The following C4orf17 variants were observed in gnomAD, a reference collection of about 807,000 sequenced individuals.
The protein encoded by C4orf17 is chromosome 4 open reading frame 17.
C4orf17 carries 25 observed loss-of-function variants against 32.0 expected under a neutral mutation model. The observed-to-expected ratio is 0.78, with a 90% CI of 0.57 to 1.09. C4orf17 has a LOEUF of 1.09. Ranked by LOEUF, C4orf17 falls within the 50% of genes least tolerant of loss-of-function variation. The pLI is 0.00. For synonymous variants in C4orf17, 149 were observed against 145.8 expected, an observed-to-expected ratio of 1.02 and a Z score of -0.16; for missense variants, 420 against 420.0, an observed-to-expected ratio of 1.00 and a Z score of 0.00.
At chr4:99,513,352 A>C (rs753535786) in intron 2 of C4orf17, 144 bp downstream of exon 2, 1 of 1,026,718 alleles carries the variant, frequency 9.7e-7, no homozygotes, top group Non-Finnish European at 1.4e-6. Flanking sequence ...ACTAGATGCC[A>C]GCACTGTAGT....
At chr4:99,519,596 G>A (rs1723250352) in intron 2 of C4orf17, among the ~76,000 whole-genome samples, 1 of 152,182 alleles carries the variant, frequency 6.6e-6, no homozygotes, top group African/African-American at 2.4e-5. Context: ...AGATAAAATT[G>A]TAGAGTTACT....
chr4:99,522,483 A>G lies in C4orf17; in HGVS notation c.128-17A>G. On this transcript the variant is annotated splice_polypyrimidine_tract_variant and intron_variant, in intron 2 of 8. Coordinates refer to ENST00000326581, the MANE Select transcript of C4orf17 (RefSeq NM_032149.3). Reference sequence around the variant, plus strand: ...GGTTGCTTGATCTGTCTCTTTTTTTAATCTTTACTCACCTAGGCTTGAATA... The same window carrying G: ...GGTTGCTTGATCTGTCTCTTTTTTTGATCTTTACTCACCTAGGCTTGAATA... The G allele has an allele frequency of 1.3e-6, 2 of 1,592,692 alleles. No homozygotes were observed.
chr4:99,520,736 C>A (rs1385162570), intron 2 of C4orf17, among the ~76,000 whole-genome samples: 3 of 152,122 alleles, frequency 2.0e-5, no homozygotes, highest in African/African-American at 7.2e-5. Flanking sequence ...TGGAGGGAAT[C>A]TTTGATTAAC....
At chr4:99,522,365 TACA>T in intron 2 of C4orf17, 132 bp from the exon 3 acceptor site, 5 of 667,946 alleles carry the variant, frequency 7.5e-6, no homozygotes, top group South Asian at 4.2e-5. Flanking sequence ...TTTTGGTTTA[TACA>T]ATTTGAAGTT....
rs375058150 is a variant in C4orf17 at position 99,537,800 on chromosome 4, A to C, written c.628+50A>C. 39 of 1,313,494 alleles carry C rather than the reference A, an allele frequency of 3.0e-5. No individual in the cohort carries two copies. The African/African-American group carries it at 5.3e-4, about 18-fold the overall frequency. The allele number at this position is 1,313,494 out of a possible 1,614,324, so 81.4% of individuals were successfully genotyped here. On this transcript the variant is annotated intron_variant, in intron 6 of 8. Transcript: ENST00000326581. ...AACACTGAGCTCAATTTATTGTCAG[A>C]AACTGGGAATATGCCAATATCTGAA...
intron 1 of C4orf17, among the ~76,000 whole-genome samples, chr4:99,512,269 A>G (rs1043331106): frequency 2.0e-5 from 3 of 152,202 alleles, no homozygotes; most frequent in African/African-American, 7.2e-5. Context: ...AGATTTCAAA[A>G]GCATACTATT....
At position 99,539,186 on chromosome 4, in the gene C4orf17, A is replaced by G; in HGVS notation, c.652A>G (p.Ile218Val). The change falls in exon 7 of 9, where the codon ATT (isoleucine) becomes GTT (valine). Residue 218 changes from isoleucine to valine, a missense_variant. Ile to Val is a conservative substitution (Grantham distance 29). Coordinates refer to ENST00000326581, the MANE Select transcript of C4orf17 (RefSeq NM_032149.3). ...SKEKEWVSAL[I>V]HSELAEINLL... ...AGAAAAAGAGTGGGTCTCAGCTTTG[A>G]TTCATTCTGAGCTTGCCGAGATAAA... The G allele has an allele frequency of 6.2e-7, 1 of 1,614,036 alleles. No individual in the cohort carries two copies. Among genetic ancestry groups the G allele is most frequent in the Non-Finnish European group, 8.5e-7 (1 of 1,179,910 alleles).
Position 99,511,156 on chromosome 4 carries a change from T to A in C4orf17, c.-210T>A, listed in dbSNP as rs1303756801. 1.3e-5 allele frequency: 2 copies of A among 152,154 alleles called. No homozygotes were observed. The highest frequency in any genetic ancestry group is 2.4e-5 in the African/African-American group (1 of 41,456). 9.4% of individuals were successfully genotyped at this position (152,154 alleles called of 1,614,324 possible). Reference sequence around the variant, plus strand: ...ACCAACTAAAAACTTCTAGCTTAAGTGCAGAGATTTAAGGAGATCAACAAA... The same window carrying A: ...ACCAACTAAAAACTTCTAGCTTAAGAGCAGAGATTTAAGGAGATCAACAAA... On this transcript the variant is annotated 5_prime_UTR_variant, in exon 1 of 9. Transcript: ENST00000326581.
At chr4:99,531,081 C>T (rs542457163) in intron 5 of C4orf17, among the ~76,000 whole-genome samples, 1 of 151,666 alleles carries the variant, frequency 6.6e-6, no homozygotes, top group South Asian at 2.1e-4. Flanking sequence ...ACCATCCAAT[C>T]TAAAGTAGCT....
At chr4:99,530,631 G>T (rs1723463460) in intron 5 of C4orf17, among the ~76,000 whole-genome samples, 1 of 152,000 alleles carries the variant, frequency 6.6e-6, no homozygotes, top group African/African-American at 2.4e-5. Flanking sequence ...CCTCTAACTG[G>T]AATTTTAAGT....
At chr4:99,523,000 G>C (rs1039266669) in intron 3 of C4orf17, among the ~76,000 whole-genome samples, 2 of 152,122 alleles carry the variant, frequency 1.3e-5, no homozygotes, top group Non-Finnish European at 2.9e-5. Context: ...AATGAATGTT[G>C]TTCCAACACT....
At chr4:99,514,696 T>C (rs1474111763) in intron 2 of C4orf17, among the ~76,000 whole-genome samples, 1 of 152,184 alleles carries the variant, frequency 6.6e-6, no homozygotes. Context: ...AAACAGTATG[T>C]AGATTCCTTA....
chr4:99,525,667 C>T (rs915143832), intron 4 of C4orf17, among the ~76,000 whole-genome samples: 1 of 151,928 alleles, frequency 6.6e-6, no homozygotes, highest in Admixed American at 6.6e-5. Context: ...TGGTGGTACG[C>T]GCCTGTAGTC....
rs778016838 is a variant in C4orf17 at position 99,542,137 on chromosome 4, T to C, written c.*28T>C. 1.9e-6 allele frequency: 3 copies of C among 1,566,862 alleles called. No individual in the cohort carries two copies. The highest frequency in any genetic ancestry group is 2.6e-6 in the Non-Finnish European group (3 of 1,138,282). Reference sequence around the variant, plus strand: ...GTTCTAGACTGGGTGAATTCTTTCATGAATATGAGCTTCACATTTACATCA... The same window carrying C: ...GTTCTAGACTGGGTGAATTCTTTCACGAATATGAGCTTCACATTTACATCA... On this transcript the variant is annotated 3_prime_UTR_variant, in exon 9 of 9. Transcript: ENST00000326581.
intron 2 of C4orf17, among the ~76,000 whole-genome samples, chr4:99,516,558 G>C (rs1723184322): frequency 6.6e-6 from 1 of 152,160 alleles, no homozygotes; most frequent in South Asian, 2.1e-4. Flanking sequence ...TATCTGGCTG[G>C]TCCAGCCACT....
At chr4:99,518,610 CTG>C (rs1723236746) in intron 2 of C4orf17, among the ~76,000 whole-genome samples, 1 of 86,006 alleles carries the variant, frequency 1.2e-5, no homozygotes, top group African/African-American at 4.1e-5. Flanking sequence ...GAGAGAGAGA[CTG>C]TTTATCCTAC....
intron 6 of C4orf17, among the ~76,000 whole-genome samples, chr4:99,538,577 G>A (rs1296904801): frequency 6.6e-6 from 1 of 152,146 alleles, no homozygotes; most frequent in Non-Finnish European, 1.5e-5. Context: ...TAGAGGCGAT[G>A]GGTCTTTAGT....
Position 99,529,976 on chromosome 4 carries a change from C to T in C4orf17, c.546+18C>T, listed in dbSNP as rs1240490312. The T allele has an allele frequency of 6.3e-7, 1 of 1,593,736 alleles. No individual in the cohort carries two copies. The highest frequency in any genetic ancestry group is 2.3e-5 in the East Asian group (1 of 44,440). On this transcript the variant is annotated intron_variant, in intron 5 of 8. Transcript: ENST00000326581. ...AAATAAAAGTAAGTATCAGGTTTAT[C>T]AAATCCATAACTTGGAAACAGCATG...
chr4:99,539,983 G>T (rs1381898967), intron 7 of C4orf17, among the ~76,000 whole-genome samples: 1 of 151,996 alleles, frequency 6.6e-6, no homozygotes, highest in African/African-American at 2.4e-5. Flanking sequence ...ATGTGTGGTA[G>T]GATGTTATTT....
Sources: gnomAD v4.1 joint callset for allele counts (sites outside exome capture counted in the v4.1 genomes callset) on GRCh38, gnomAD v4.1.1 for gene constraint, MANE v1.5 for transcripts, NCBI Gene and HGNC (gene_info 2026-07-23, HGNC 2026-07-21) for gene names.